The following KMO variants were observed in gnomAD, a reference collection of about 807,000 sequenced individuals.
The protein encoded by KMO is kynurenine 3-monooxygenase.
In KMO, 24 loss-of-function variants were observed where a neutral mutation model predicts 57.8. That is an observed-to-expected ratio of 0.42 (90% CI 0.30 to 0.58). The LOEUF (loss-of-function observed/expected upper bound fraction) is 0.58, where lower values mean the gene tolerates loss of function less well. Ranked by LOEUF, KMO falls within the 20% of genes least tolerant of loss-of-function variation. KMO has a pLI of 0.22. For missense variants in KMO, 483 were observed against 588.2 expected (o/e 0.82, Z 1.85); for synonymous variants, 210 against 193.6 (o/e 1.08, Z -0.70).
Position 241,566,526 on chromosome 1 carries a change from T to C in KMO, c.723T>C (p.Phe241=). Residue 241 remains phenylalanine, a synonymous_variant, in exon 9 of 15, where the codon TTT becomes TTC. Coordinates refer to ENST00000366559, the MANE Select transcript of KMO (RefSeq NM_003679.5). ...KSFTCTLFMP[F]EEFEKLLTSN... The stretch of plus-strand genomic sequence containing the variant: ...TCACATGTACTTTGTTCATGCCCTT[T>C]GAAGAGTTTGAAAAACTTCTAACCA... The C allele has an allele frequency of 6.2e-7, 1 of 1,613,762 alleles. No individual in the cohort carries two copies. Among genetic ancestry groups the C allele is most frequent in the Non-Finnish European group, 8.5e-7 (1 of 1,179,704 alleles).
intron 4 of KMO, among the ~76,000 whole-genome samples, chr1:241,552,205 C>A (rs975935425): frequency 1.1e-4 from 17 of 151,116 alleles, no homozygotes; most frequent in African/African-American, 2.4e-5. Context: ...AGAGAAAGAG[C>A]GTGCATACAT....
intron 1 of KMO, among the ~76,000 whole-genome samples, chr1:241,546,715 G>A (rs1042906260): frequency 1.3e-5 from 2 of 152,168 alleles, no homozygotes; most frequent in African/African-American, 4.8e-5. Context: ...TTGATGAGAT[G>A]GGAGGCGATG....
At chr1:241,549,348 G>T (rs961588848) in intron 2 of KMO, among the ~76,000 whole-genome samples, 2 of 151,666 alleles carry the variant, frequency 1.3e-5, no homozygotes, top group Non-Finnish European at 2.9e-5. Flanking sequence ...AAGAAAGAAA[G>T]AAAGATAGAA....
chr1:241,557,807 A>G (rs1261980827), intron 5 of KMO, among the ~76,000 whole-genome samples: 1 of 151,228 alleles, frequency 6.6e-6, no homozygotes, highest in Non-Finnish European at 1.5e-5. Flanking sequence ...CAAGACATCA[A>G]CTCTAAAAAA....
intron 10 of KMO, among the ~76,000 whole-genome samples, chr1:241,572,519 A>C (rs1388944105): frequency 6.6e-6 from 1 of 151,886 alleles, no homozygotes; most frequent in East Asian, 1.9e-4. Flanking sequence ...TAAAAAACCA[A>C]CTTTTTGTTT....
chr1:241,564,522 TA>T (rs1218321314), intron 7 of KMO, among the ~76,000 whole-genome samples: 1 of 151,908 alleles, frequency 6.6e-6, no homozygotes, highest in Non-Finnish European at 1.5e-5. Context: ...TTTTGTCCAG[TA>T]TAGATAAGTT....
intron 11 of KMO, among the ~76,000 whole-genome samples, chr1:241,587,947 T>C (rs527354229): frequency 7.9e-5 from 12 of 152,118 alleles, no homozygotes; most frequent in Non-Finnish European, 1.3e-4. Context: ...CTTTTCCTAC[T>C]TCCCAGCATC....
chr1:241,560,797 G>A, intron 6 of KMO, 45 bp downstream of exon 6: 1 of 1,243,176 alleles, frequency 8.0e-7, no homozygotes, highest in Non-Finnish European at 1.2e-6. Context: ...AAAGCTGGGA[G>A]TGGAGAATTG....
chr1:241,562,377 C>T (rs1260535706), intron 7 of KMO, 45 bp downstream of exon 7: 2 of 1,591,970 alleles, frequency 1.3e-6, no homozygotes, highest in South Asian at 2.2e-5. Context: ...ACCCTTGCTC[C>T]ATGAGCGCGA....
rs1661872474 is a variant in KMO at position 241,562,233 on chromosome 1, T to A, written c.516T>A (p.Thr172=). The A allele has an allele frequency of 6.2e-7, 1 of 1,614,074 alleles. No homozygotes were observed. The highest frequency in any genetic ancestry group is 8.5e-7 in the Non-Finnish European group (1 of 1,180,002). Reference sequence around the variant, plus strand: ...TAGGATGTGATGGAGCCTATTCAACTGTCAGATCTCACCTGATGAAGAAAC... The same window carrying A: ...TAGGATGTGATGGAGCCTATTCAACAGTCAGATCTCACCTGATGAAGAAAC... ...LIVGCDGAYS[T]VRSHLMKKPR... is the part of the protein sequence containing the mutation. Residue 172 remains threonine (T), a synonymous_variant, in exon 7 of 15, where the codon ACT becomes ACA. Transcript: ENST00000366559.
At chr1:241,554,816 C>CAA (rs11398893) in intron 4 of KMO, among the ~76,000 whole-genome samples, 29,422 of 118,100 alleles carry the variant, frequency 0.25, 3,665 homozygotes, top group Middle Eastern at 0.33. Context: ...ACTAAAAATA[C>CAA]AAAAAAAAAA....
chr1:241,543,405 G>A (rs2147943195), intron 1 of KMO, among the ~76,000 whole-genome samples: 1 of 152,246 alleles, frequency 6.6e-6, no homozygotes, highest in Non-Finnish European at 1.5e-5. Context: ...GTATCATGCA[G>A]TATAAAATTA....
chr1:241,588,329 CTTTTTT>C (rs57587351), intron 11 of KMO, among the ~76,000 whole-genome samples: 51 of 98,386 alleles, frequency 5.2e-4, no homozygotes, highest in African/African-American at 1.7e-3. Context: ...TCTTTTTTTT[CTTTTTT>C]TTTTTTTTTT....
intron 5 of KMO, among the ~76,000 whole-genome samples, chr1:241,558,625 A>G (rs533845211): frequency 5.9e-5 from 9 of 152,192 alleles, no homozygotes; most frequent in Non-Finnish European, 1.0e-4. Context: ...ACCTTGCATC[A>G]AACAAGTTTT....
intron 1 of KMO, among the ~76,000 whole-genome samples, chr1:241,547,970 T>C (rs1661210619): frequency 6.6e-6 from 1 of 152,178 alleles, no homozygotes; most frequent in Non-Finnish European, 1.5e-5. Flanking sequence ...ATCTGTGATC[T>C]TTCATTTAAT....
chr1:241,575,045 A>G (rs1316703017), intron 10 of KMO, among the ~76,000 whole-genome samples: 2 of 151,944 alleles, frequency 1.3e-5, no homozygotes, highest in African/African-American at 2.4e-5. Context: ...GTTTTCCAGT[A>G]TGTATGCAAA....
chr1:241,582,783 G>C (rs1387534451), intron 10 of KMO, among the ~76,000 whole-genome samples: 1 of 152,108 alleles, frequency 6.6e-6, no homozygotes, highest in East Asian at 1.9e-4. Flanking sequence ...TATTTAGTTC[G>C]TTTGGTAAGG....
At chr1:241,575,585 C>A (rs1212105013) in intron 10 of KMO, among the ~76,000 whole-genome samples, 2 of 151,826 alleles carry the variant, frequency 1.3e-5, no homozygotes, top group Non-Finnish European at 1.5e-5. Context: ...TAGAGATTTC[C>A]TTTTGGAATT....
chr1:241,532,961 T>A (rs987001068), intron 1 of KMO, among the ~76,000 whole-genome samples: 5 of 152,336 alleles, frequency 3.3e-5, no homozygotes, highest in African/African-American at 4.8e-5. Flanking sequence ...AAGTATCATG[T>A]TGAATGTTCA....
Sources: gnomAD v4.1 joint callset for allele counts (sites outside exome capture counted in the v4.1 genomes callset) on GRCh38, gnomAD v4.1.1 for gene constraint, MANE v1.5 for transcripts, NCBI Gene and HGNC (gene_info 2026-07-23, HGNC 2026-07-21) for gene names.